CERT1: variants seen among roughly 807,000 people sequenced by gnomAD.
CERT1 encodes ceramide transfer protein.
A neutral mutation model predicts 87.9 loss-of-function variants in CERT1; 31 were observed. The ratio of observed to expected loss-of-function variants is 0.35; its 90% confidence interval spans 0.27 to 0.48. The LOEUF is 0.48. CERT1 is among the 20% of genes least tolerant of loss of function. The pLI, the probability that CERT1 is intolerant of heterozygous loss-of-function variation, is 0.99. For missense variants in CERT1, 487 were observed against 758.0 expected, an observed-to-expected ratio of 0.64 and a Z score of 4.20; for synonymous variants, 289 against 250.9, an observed-to-expected ratio of 1.15 and a Z score of -1.44.
At chr5:75,425,026 G>A (rs1320142101) in intron 5 of CERT1, among the ~76,000 whole-genome samples, 1 of 152,126 alleles carries the variant, frequency 6.6e-6, no homozygotes, top group Non-Finnish European at 1.5e-5. Context: ...GCTGAGATGG[G>A]AGAATTGCTT....
At chr5:75,508,989 A>G (rs900570695) in intron 1 of CERT1, among the ~76,000 whole-genome samples, 4 of 152,122 alleles carry the variant, frequency 2.6e-5, no homozygotes, top group Non-Finnish European at 4.4e-5. Context: ...TACTTGCTAT[A>G]ACTAGATAGA....
intron 5 of CERT1, among the ~76,000 whole-genome samples, chr5:75,420,905 C>T (rs1302256570): frequency 1.3e-5 from 2 of 152,164 alleles, no homozygotes; most frequent in Non-Finnish European, 2.9e-5. Flanking sequence ...TCACTGCAAC[C>T]TCCACCTCCC....
intron 3 of CERT1, among the ~76,000 whole-genome samples, chr5:75,444,792 G>A (rs563371806): frequency 1.9e-4 from 29 of 151,904 alleles, no homozygotes; most frequent in African/African-American, 6.0e-4. Flanking sequence ...TGATCTGCCC[G>A]CCTCGGCCTC....
rs184707737 is a variant in CERT1, at chr5:75,454,583, T to G, written c.348+4482A>C. 9.5e-4 allele frequency among the ~76,000 whole-genome samples: 144 copies of G among 152,190 alleles called. 1 individual carries two copies. Among genetic ancestry groups the G allele is most frequent in the African/African-American group, 3.4e-3 (140 of 41,520 alleles). ...AACTGCTAACGAACATACAGTGCGGTGGTGTTTCAAGAAGTTTGCAAAGGA... is the reference window on the plus strand; with the variant it reads ...AACTGCTAACGAACATACAGTGCGGGGGTGTTTCAAGAAGTTTGCAAAGGA... On this transcript the variant is annotated intron_variant, in intron 3 of 16. Coordinates refer to ENST00000643780, the MANE Select transcript of CERT1 (RefSeq NM_001379029.1).
At chr5:75,406,706 A>T (rs936919848) in intron 8 of CERT1, among the ~76,000 whole-genome samples, 5 of 151,944 alleles carry the variant, frequency 3.3e-5, no homozygotes, top group African/African-American at 4.8e-5. Context: ...TGCCTAATAC[A>T]GCTAATTTTT....
At chr5:75,406,403 A>C (rs1406741614) in intron 8 of CERT1, among the ~76,000 whole-genome samples, 1 of 152,264 alleles carries the variant, frequency 6.6e-6, no homozygotes, top group Non-Finnish European at 1.5e-5. Context: ...AAAGTGTTTC[A>C]TGACATACAT....
intron 3 of CERT1, among the ~76,000 whole-genome samples, chr5:75,458,418 T>A (rs1009341363): frequency 1.5e-4 from 23 of 152,304 alleles, no homozygotes; most frequent in African/African-American, 5.5e-4. Flanking sequence ...GGTTTTATAA[T>A]CCAATGTTAT....
At chr5:75,407,686 T>G (rs1762761585) in intron 8 of CERT1, among the ~76,000 whole-genome samples, 1 of 152,060 alleles carries the variant, frequency 6.6e-6, no homozygotes, top group African/African-American at 2.4e-5. Context: ...AAAGTGAACT[T>G]GTCACAGGCC....
chr5:75,436,590 A>G (rs1764105549), intron 3 of CERT1, among the ~76,000 whole-genome samples: 2 of 152,186 alleles, frequency 1.3e-5, no homozygotes, highest in Admixed American at 1.3e-4. Flanking sequence ...TCTCTGTAAC[A>G]GATGAAAATA....
chr5:75,399,668 G>A (rs1285569114), intron 10 of CERT1, among the ~76,000 whole-genome samples: 3 of 152,084 alleles, frequency 2.0e-5, no homozygotes, highest in African/African-American at 7.3e-5. Context: ...AACTATTTTG[G>A]ACTAGCCACT....
At chr5:75,504,022 A>G (rs576468654) in intron 2 of CERT1, among the ~76,000 whole-genome samples, 1 of 143,654 alleles carries the variant, frequency 7.0e-6, no homozygotes, top group African/African-American at 2.6e-5. Context: ...CTCTAGGAAT[A>G]CTACTACTTA....
Position 75,426,446 on chromosome 5 carries a change from C to T in CERT1, c.381G>A (p.Leu127=). 6.2e-7 allele frequency: 1 copy of T among 1,613,188 alleles called. No individual in the cohort carries two copies. The highest frequency in any genetic ancestry group is 8.5e-7 in the Non-Finnish European group (1 of 1,179,552). Residue 127 remains leucine (L), a synonymous_variant, in exon 4 of 17, where the codon TTG becomes TTA. Coordinates refer to ENST00000643780, the MANE Select transcript of CERT1 (RefSeq NM_001379029.1). ...TESGYGSESS[L]RRHGSMVSLV... ...GGGACACCATTGAGCCATGTCGACG[C>T]AAGCTGGATTCAGATCCATATCCAG...
At chr5:75,420,123 C>T (rs969347845) in intron 5 of CERT1, among the ~76,000 whole-genome samples, 2 of 151,662 alleles carry the variant, frequency 1.3e-5, no homozygotes, top group South Asian at 2.1e-4. Flanking sequence ...ACTACAGGTG[C>T]GTGCCACCAC....
At chr5:75,469,631 T>A (rs1052686433) in intron 2 of CERT1, among the ~76,000 whole-genome samples, 5 of 151,970 alleles carry the variant, frequency 3.3e-5, no homozygotes, top group African/African-American at 1.2e-4. Flanking sequence ...AAGCAAGGAA[T>A]CAAATGTACT....
intron 12 of CERT1, among the ~76,000 whole-genome samples, chr5:75,387,239 C>T (rs563261247): frequency 6.6e-6 from 1 of 152,146 alleles, no homozygotes; most frequent in South Asian, 2.1e-4. Context: ...CACCATGGCA[C>T]TGGCAGTTCC....
At chr5:75,447,424 T>C (rs1424389124) in intron 3 of CERT1, among the ~76,000 whole-genome samples, 1 of 150,366 alleles carries the variant, frequency 6.7e-6, no homozygotes, top group African/African-American at 2.5e-5. Flanking sequence ...AGTTTCTATA[T>C]TTTCTTCCTT....
At chr5:75,487,913 T>C (rs1448754021) in intron 2 of CERT1, among the ~76,000 whole-genome samples, 2 of 151,952 alleles carry the variant, frequency 1.3e-5, no homozygotes, top group African/African-American at 2.4e-5. Flanking sequence ...ATAACATGGA[T>C]GGAACTGGAG....
intron 3 of CERT1, among the ~76,000 whole-genome samples, chr5:75,432,057 C>T (rs1489890191): frequency 2.6e-4 from 37 of 143,320 alleles, no homozygotes; most frequent in African/African-American, 8.0e-4. Flanking sequence ...TTCCCCCCCC[C>T]TTTTTTTTTT....
chr5:75,373,830 T>C (rs1761173598), downstream of CERT1: 1 of 345,008 alleles, frequency 2.9e-6, no homozygotes, highest in Non-Finnish European at 5.2e-6. Flanking sequence ...CAGAGGATCT[T>C]AGGCCGGACC....
Sources: gnomAD v4.1 joint callset for allele counts (sites outside exome capture counted in the v4.1 genomes callset) on GRCh38, gnomAD v4.1.1 for gene constraint, MANE v1.5 for transcripts, NCBI Gene and HGNC (gene_info 2026-07-23, HGNC 2026-07-21) for gene names.